The following PRKCB variants were observed in gnomAD, a reference collection of about 807,000 sequenced individuals.
PRKCB encodes protein kinase C beta type.
A neutral mutation model predicts 81.5 loss-of-function variants in PRKCB; 13 were observed. The ratio of observed to expected loss-of-function variants is 0.16; its 90% confidence interval spans 0.10 to 0.25. The LOEUF is 0.25. PRKCB is among the 10% of genes least tolerant of loss of function. The pLI is 1.00. For missense variants in PRKCB, 509 were observed against 875.7 expected, an observed-to-expected ratio of 0.58 and a Z score of 5.29; for synonymous variants, 335 against 321.4, an observed-to-expected ratio of 1.04 and a Z score of -0.45.
chr16:24,078,059 C>A (rs1966203148), intron 5 of PRKCB, among the ~76,000 whole-genome samples: 1 of 152,172 alleles, frequency 6.6e-6, no homozygotes, highest in South Asian at 2.1e-4. Context: ...GGCTTCTGGC[C>A]CTATGCTGCT....
chr16:24,183,269 T>C (rs1967655579), intron 13 of PRKCB, among the ~76,000 whole-genome samples: 1 of 152,212 alleles, frequency 6.6e-6, no homozygotes, highest in South Asian at 2.1e-4. Context: ...TGTTCTGAAA[T>C]ATGCATACAT....
At chr16:23,987,886 C>T (rs1455931225) in intron 2 of PRKCB, among the ~76,000 whole-genome samples, 4 of 152,146 alleles carry the variant, frequency 2.6e-5, no homozygotes, top group Middle Eastern at 3.2e-3. Flanking sequence ...AATAGGGGAG[C>T]CATACCATAG....
intron 2 of PRKCB, among the ~76,000 whole-genome samples, chr16:23,851,333 G>A (rs1418646388): frequency 4.6e-5 from 7 of 152,172 alleles, no homozygotes; most frequent in Non-Finnish European, 1.0e-4. Flanking sequence ...ATTTACTGAA[G>A]AGACTGTCCT....
intron 2 of PRKCB, among the ~76,000 whole-genome samples, chr16:23,892,756 A>G (rs1963314934): frequency 6.6e-6 from 1 of 152,130 alleles, no homozygotes; most frequent in African/African-American, 2.4e-5. Context: ...GATATATTGG[A>G]CCCATTTTGC....
intron 9 of PRKCB, among the ~76,000 whole-genome samples, chr16:24,135,018 T>A (rs766979203): frequency 6.6e-6 from 1 of 152,100 alleles, no homozygotes; most frequent in Non-Finnish European, 1.5e-5. Flanking sequence ...AAGACAAATA[T>A]ATTAATATTA....
intron 1 of PRKCB, among the ~76,000 whole-genome samples, chr16:23,836,590 G>A (rs1391612867): frequency 6.6e-6 from 1 of 152,066 alleles, no homozygotes; most frequent in East Asian, 1.9e-4. Context: ...CCTGCTCTCA[G>A]GCGCCTCTAG....
At chr16:24,033,061 G>T (rs1237405241) in intron 4 of PRKCB, among the ~76,000 whole-genome samples, 1 of 152,216 alleles carries the variant, frequency 6.6e-6, no homozygotes, top group Non-Finnish European at 1.5e-5. Flanking sequence ...CTCTTTATGA[G>T]GCCAAGGCCC....
chr16:24,007,332 T>C (rs189534301), intron 3 of PRKCB, among the ~76,000 whole-genome samples: 4 of 152,338 alleles, frequency 2.6e-5, no homozygotes, highest in African/African-American at 9.6e-5. Context: ...AGTCCATCCT[T>C]ATTTTTGGAA....
intron 16 of PRKCB, among the ~76,000 whole-genome samples, chr16:24,203,865 G>A (rs768825611): frequency 1.3e-5 from 2 of 152,108 alleles, no homozygotes; most frequent in Middle Eastern, 3.2e-3. Flanking sequence ...CAGGGTACAC[G>A]TCTTTTTCTC....
chr16:24,134,881 A>C (rs1158759639), intron 9 of PRKCB, among the ~76,000 whole-genome samples: 2 of 152,182 alleles, frequency 1.3e-5, no homozygotes, highest in African/African-American at 4.8e-5. Flanking sequence ...ATTGCACTCC[A>C]GCCTGGACAG....
intron 11 of PRKCB, among the ~76,000 whole-genome samples, chr16:24,173,014 C>T (rs1967467919): frequency 6.6e-6 from 1 of 152,126 alleles, no homozygotes; most frequent in Non-Finnish European, 1.5e-5. Flanking sequence ...TGAAAGCTTG[C>T]CCAAAATCAT....
chr16:23,941,944 T>C (rs2560404), intron 2 of PRKCB, among the ~76,000 whole-genome samples: 147,152 of 152,358 alleles, frequency 0.97, 71,102 homozygotes, highest in East Asian at 1. Flanking sequence ...ATTGGAAAAA[T>C]GAATACCAAA....
intron 2 of PRKCB, among the ~76,000 whole-genome samples, chr16:23,847,364 CTATCTATCTATCTGTCCATCTATCT>C (rs1962390107): frequency 1.1e-4 from 1 of 8,896 alleles, no homozygotes; most frequent in South Asian, 6.8e-3. Flanking sequence ...ATCTATCTAT[CTATCTATCTATCTGTCCATCTATCT>C]ATCTATCCAT....
chr16:23,986,866 A>G (rs148128070), intron 2 of PRKCB, among the ~76,000 whole-genome samples: 1 of 152,120 alleles, frequency 6.6e-6, no homozygotes, highest in African/African-American at 2.4e-5. Flanking sequence ...TTCATCTGTA[A>G]TCCTCCCCTT....
chr16:23,925,108 A>G (rs1437491790), intron 2 of PRKCB, among the ~76,000 whole-genome samples: 1 of 152,120 alleles, frequency 6.6e-6, no homozygotes, highest in Non-Finnish European at 1.5e-5. Context: ...GTTTACCTCA[A>G]TATGACCCCT....
At chr16:23,915,007 C>T (rs1012478508) in intron 2 of PRKCB, among the ~76,000 whole-genome samples, 1 of 152,212 alleles carries the variant, frequency 6.6e-6, no homozygotes, top group Non-Finnish European at 1.5e-5. Context: ...TGAAGCCCCT[C>T]TGGGCAGCCT....
At chr16:23,849,399 T>C (rs1962433485) in intron 2 of PRKCB, among the ~76,000 whole-genome samples, 1 of 152,190 alleles carries the variant, frequency 6.6e-6, no homozygotes, top group African/African-American at 2.4e-5. Context: ...TTTTGTGGGA[T>C]GGCCCTATAT....
intron 2 of PRKCB, among the ~76,000 whole-genome samples, chr16:23,876,883 A>G (rs1017314381): frequency 2.0e-5 from 3 of 152,228 alleles, no homozygotes; most frequent in Non-Finnish European, 4.4e-5. Context: ...GGGTGGATGA[A>G]GGAAACATAT....
At chr16:24,005,068 C>A (rs768199386) in intron 3 of PRKCB, among the ~76,000 whole-genome samples, 4 of 152,100 alleles carry the variant, frequency 2.6e-5, no homozygotes, top group Non-Finnish European at 5.9e-5. Flanking sequence ...TGTGTCTTGA[C>A]TGGGATGGTG....
Sources: allele counts gnomAD v4.1 joint callset (sites outside exome capture counted in the v4.1 genomes callset), GRCh38; gene constraint gnomAD v4.1.1; transcripts MANE v1.5; gene names NCBI Gene and HGNC (gene_info 2026-07-23, HGNC 2026-07-21).